Variants in NBEA observed in about 807,000 individuals in gnomAD.
NBEA encodes the protein lysosomal-trafficking regulator 2.
A neutral mutation model predicts 343.4 loss-of-function variants in NBEA; 44 were observed. The observed-to-expected ratio is 0.13, with a 90% CI of 0.10 to 0.16. NBEA has a LOEUF of 0.16. Among genes scored for constraint, NBEA ranks in the 10% least tolerant of loss-of-function variants. NBEA has a pLI of 1.00. For synonymous variants in NBEA, 1,175 were observed against 1,238.7 expected, an observed-to-expected ratio of 0.95 and a Z score of 1.08; for missense variants, 2,555 against 3,631.3, an observed-to-expected ratio of 0.70 and a Z score of 7.62.
intron 1 of NBEA, among the ~76,000 whole-genome samples, chr13:34,971,314 T>C (rs1272465134): frequency 2.6e-5 from 4 of 152,162 alleles, no homozygotes; most frequent in African/African-American, 9.7e-5. Context: ...GATCATGTCA[T>C]TGGCAAACAG....
intron 58 of NBEA, among the ~76,000 whole-genome samples, chr13:35,668,743 G>A (rs1480768662): frequency 6.6e-6 from 1 of 152,174 alleles, no homozygotes; most frequent in Admixed American, 6.5e-5. Context: ...TGAAGAACAG[G>A]TGCCTGCAGA....
intron 35 of NBEA, among the ~76,000 whole-genome samples, chr13:35,300,960 A>G (rs910375277): frequency 6.6e-6 from 1 of 152,182 alleles, no homozygotes; most frequent in Non-Finnish European, 1.5e-5. Context: ...TGGTAAAAAA[A>G]AAATTATCTT....
chr13:35,137,775 T>C (rs1476605756), intron 17 of NBEA, among the ~76,000 whole-genome samples: 2 of 152,094 alleles, frequency 1.3e-5, no homozygotes, highest in Non-Finnish European at 2.9e-5. Flanking sequence ...ATGTTGTATA[T>C]GATTTAACAC....
In NBEA at chr13:35,475,436, C is replaced by T. The variant is rs553308749; in HGVS notation, c.6585+2900C>T. On this transcript the variant is annotated intron_variant, in intron 41 of 58. Transcript: ENST00000379939. ...ATCTGCAGTCTGTTCTCTGCCTCCG[C>T]GAACTGCAGCACCCAGGCGTCGCTC... 2.0e-5 allele frequency: 32 copies of T among 1,613,358 alleles called. No homozygotes were observed. The Middle Eastern group carries it at 6.6e-4, about 33-fold the overall frequency.
intron 38 of NBEA, among the ~76,000 whole-genome samples, chr13:35,397,371 C>G (rs562406782): frequency 1.3e-5 from 2 of 152,264 alleles, no homozygotes; most frequent in Middle Eastern, 6.8e-3. Context: ...GAGGCTTTCC[C>G]CAACCATACT....
chr13:35,113,519 TA>T (rs2066320382), intron 13 of NBEA, among the ~76,000 whole-genome samples: 1 of 152,172 alleles, frequency 6.6e-6, no homozygotes, highest in Non-Finnish European at 1.5e-5. Context: ...TGACAAATGA[TA>T]TTTTCTAAGA....
rs769391989 is a variant in NBEA at position 35,668,395 on chromosome 13, A to C, written c.8689A>C (p.Asn2897His). 3 of 1,611,004 alleles carry C rather than the reference A, an allele frequency of 1.9e-6. No individual in the cohort carries two copies. The South Asian group carries it at 3.3e-5, about 18-fold the overall frequency. The change falls in exon 58 of 59, where the codon AAC becomes CAC. Residue 2897 changes from asparagine to histidine, a missense_variant. Asn to His is a moderately conservative substitution (Grantham distance 68). Coordinates refer to ENST00000379939, the MANE Select transcript of NBEA (RefSeq NM_001385012.1). ...RAILLSSDGQ[N>H]LVTGGDNGVV... is the part of the protein sequence containing the mutation. ...CATTCTCCTGAGCAGTGACGGCCAGAACCTGGTCACCGGAGGGGACAATGG... is the reference window on the plus strand; with the variant it reads ...CATTCTCCTGAGCAGTGACGGCCAGCACCTGGTCACCGGAGGGGACAATGG...
chr13:35,036,453 T>C (rs1405151936), intron 1 of NBEA, among the ~76,000 whole-genome samples: 2 of 152,102 alleles, frequency 1.3e-5, no homozygotes, highest in Non-Finnish European at 2.9e-5. Context: ...AACAGTGTTA[T>C]AATATTCTGT....
intron 34 of NBEA, among the ~76,000 whole-genome samples, chr13:35,288,890 C>T (rs1233074929): frequency 6.6e-6 from 1 of 151,868 alleles, no homozygotes; most frequent in Non-Finnish European, 1.5e-5. Context: ...TTCTGACTCC[C>T]TAGAACCTGA....
rs2075758224 is a variant in NBEA, at chr13:35,473,944, C to G, written c.6585+1408C>G. Among the ~76,000 whole-genome samples, 3 of 152,014 alleles carry G rather than the reference C, an allele frequency of 2.0e-5. No homozygotes were observed. The South Asian group carries it at 6.2e-4, about 32-fold the overall frequency. On this transcript the variant is annotated intron_variant, in intron 41 of 58. Transcript: ENST00000379939. Reference sequence around the variant, plus strand: ...TTTTTTTCTTATATTATCAAAAATGCTACAAGAAGAGCAAGCTTTCAAAGG... The same window carrying G: ...TTTTTTTCTTATATTATCAAAAATGGTACAAGAAGAGCAAGCTTTCAAAGG...
chr13:35,378,882 G>A (rs1312523401), intron 38 of NBEA, among the ~76,000 whole-genome samples: 1 of 152,048 alleles, frequency 6.6e-6, no homozygotes, highest in African/African-American at 2.4e-5. Context: ...ATTTATAAAT[G>A]TAGATGGAAT....
chr13:35,010,212 A>C (rs996919459), intron 1 of NBEA, among the ~76,000 whole-genome samples: 2 of 152,152 alleles, frequency 1.3e-5, no homozygotes, highest in South Asian at 4.1e-4. Flanking sequence ...TTTAGGGGTG[A>C]ATGTGAATAG....
chr13:35,167,726 T>C (rs928452210), intron 24 of NBEA, among the ~76,000 whole-genome samples: 2 of 151,878 alleles, frequency 1.3e-5, no homozygotes, highest in Non-Finnish European at 2.9e-5. Flanking sequence ...TAGTTGATGT[T>C]TCTGTGACTA....
At chr13:34,995,791 G>T (rs1239729802) in intron 1 of NBEA, among the ~76,000 whole-genome samples, 1 of 152,156 alleles carries the variant, frequency 6.6e-6, no homozygotes, top group Non-Finnish European at 1.5e-5. Context: ...GGTCTGTTGG[G>T]CTCAGTACAG....
At position 35,660,717 on chromosome 13, in the gene NBEA, A is replaced by G. The variant is rs545043286; in HGVS notation, c.8363-4368A>G. ...AGACTATCCTGGTGCCCAGCTCCAC[A>G]ACTGCCACTAACCAGTGCTATTATA... On this transcript the variant is annotated intron_variant, in intron 55 of 58. Transcript: ENST00000379939. 3.9e-5 allele frequency among the ~76,000 whole-genome samples: 6 copies of G among 152,292 alleles called. No homozygotes were observed. The East Asian group carries it at 1.2e-3, about 29-fold the overall frequency.
intron 1 of NBEA, among the ~76,000 whole-genome samples, chr13:35,004,495 T>TG (rs2061251000): frequency 6.6e-6 from 1 of 152,232 alleles, no homozygotes; most frequent in African/African-American, 2.4e-5. Context: ...ACAACTAGAC[T>TG]CTGGTATGCT....
At chr13:35,589,110 T>G (rs767912656) in intron 46 of NBEA, among the ~76,000 whole-genome samples, 2 of 152,128 alleles carry the variant, frequency 1.3e-5, no homozygotes, top group Non-Finnish European at 1.5e-5. Context: ...GCATATTTAC[T>G]CAGAGGAAGA....
At chr13:35,122,061 A>G (rs1566319075) in intron 16 of NBEA, among the ~76,000 whole-genome samples, 1 of 152,194 alleles carries the variant, frequency 6.6e-6, no homozygotes, top group Admixed American at 6.5e-5. Context: ...ATTTCTAAAC[A>G]CTTAAACAAA....
chr13:35,499,990 C>T (rs1480701996), intron 41 of NBEA, among the ~76,000 whole-genome samples: 1 of 152,078 alleles, frequency 6.6e-6, no homozygotes, highest in East Asian at 1.9e-4. Flanking sequence ...ACAGTGTTTG[C>T]TCTACAGCTG....
Sources: allele counts gnomAD v4.1 joint callset (sites outside exome capture counted in the v4.1 genomes callset), GRCh38; gene constraint gnomAD v4.1.1; transcripts MANE v1.5; gene names NCBI Gene and HGNC (gene_info 2026-07-23, HGNC 2026-07-21).